The following JAKMIP2 variants were observed in gnomAD, a reference collection of about 807,000 sequenced individuals.
JAKMIP2 encodes janus kinase and microtubule-interacting protein 2.
JAKMIP2 carries 25 observed loss-of-function variants against 115.0 expected under a neutral mutation model. The ratio of observed to expected loss-of-function variants is 0.22; its 90% CI spans 0.16 to 0.30. The LOEUF is 0.30. JAKMIP2 is among the 10% of genes least tolerant of loss of function. The pLI is 1.00. For synonymous variants in JAKMIP2, 334 were observed against 343.6 expected (o/e 0.97, Z 0.31); for missense variants, 642 against 957.6 (o/e 0.67, Z 4.35).
At chr5:147,602,489 A>G (rs909530044) in intron 20 of JAKMIP2, among the ~76,000 whole-genome samples, 1 of 152,214 alleles carries the variant, frequency 6.6e-6, no homozygotes, top group Non-Finnish European at 1.5e-5. Flanking sequence ...GGCATTTCAC[A>G]TAATAAATGC....
chr5:147,616,883 C>T (rs1554125260), intron 19 of JAKMIP2, among the ~76,000 whole-genome samples: 1 of 152,208 alleles, frequency 6.6e-6, no homozygotes, highest in Non-Finnish European at 1.5e-5. Flanking sequence ...TCATGTCCCC[C>T]ATGAATTGTT....
At chr5:147,727,943 A>C (rs953522402) in intron 1 of JAKMIP2, among the ~76,000 whole-genome samples, 4 of 152,148 alleles carry the variant, frequency 2.6e-5, no homozygotes, top group Non-Finnish European at 5.9e-5. Flanking sequence ...TCCTTGGGAA[A>C]AACAGAAGAG....
At chr5:147,624,328 G>A (rs1756999070) in intron 16 of JAKMIP2, among the ~76,000 whole-genome samples, 1 of 152,156 alleles carries the variant, frequency 6.6e-6, no homozygotes, top group South Asian at 2.1e-4. Flanking sequence ...TCTTGTGAGT[G>A]ATAATTGCAC....
Position 147,763,011 on chromosome 5 carries a change from G to T in JAKMIP2, c.-149+19445C>A, listed in dbSNP as rs556958789. On this transcript the variant is annotated intron_variant, in intron 1 of 21. Coordinates refer to ENST00000616793, the MANE Select transcript of JAKMIP2 (RefSeq NM_001270941.2). The stretch of plus-strand genomic sequence containing the variant: ...AAGCATTCTAAGGAACAATATACAT[G>T]TGGTGTAGAATTCTCTAACCCGGAG... Among the ~76,000 whole-genome samples the T allele has an allele frequency of 2.6e-5, 4 of 152,178 alleles. No individual in the cohort carries two copies. The South Asian group carries it at 8.3e-4, about 32-fold the overall frequency.
intron 1 of JAKMIP2, among the ~76,000 whole-genome samples, chr5:147,682,435 AC>A (rs750214038): frequency 3.3e-5 from 5 of 152,226 alleles, no homozygotes; most frequent in South Asian, 4.1e-4. Flanking sequence ...GGTAGAATGA[AC>A]TAAGAAGGTG....
At chr5:147,598,230 A>C (rs900924848) in intron 21 of JAKMIP2, among the ~76,000 whole-genome samples, 2 of 151,920 alleles carry the variant, frequency 1.3e-5, no homozygotes, top group Non-Finnish European at 2.9e-5. Context: ...TGAACTCCTG[A>C]CCTTGTGATC....
chr5:147,617,997 A>G lies in JAKMIP2; in HGVS notation c.2260T>C (p.Leu754=). The change falls in exon 19 of 22, where the codon TTA becomes CTA. Residue 754 remains leucine (L), a synonymous_variant. Coordinates refer to ENST00000616793, the MANE Select transcript of JAKMIP2 (RefSeq NM_001270941.2). ...QEELRTAVEK[L]RRQMLRKSRE... ...CTCTTCCTCAGCATTTGCCGCCGTA[A>G]CTTTTCTACTGCCGTCCTCAGCTCC... The G allele has an allele frequency of 6.2e-7, 1 of 1,614,196 alleles. No homozygotes were observed. Among genetic ancestry groups the G allele is most frequent in the Non-Finnish European group, 8.5e-7 (1 of 1,180,032 alleles).
intron 7 of JAKMIP2, among the ~76,000 whole-genome samples, chr5:147,642,380 G>T (rs528068195): frequency 6.6e-6 from 1 of 152,086 alleles, no homozygotes; most frequent in Admixed American, 6.5e-5. Context: ...TATTGTTGCT[G>T]TGAATAGAGA....
chr5:147,661,352 C>T lies in JAKMIP2; in HGVS notation c.223G>A (p.Ala75Thr). 1 of 1,614,074 alleles carries T rather than the reference C, an allele frequency of 6.2e-7. No homozygotes were observed. The highest frequency in any genetic ancestry group is 1.1e-5 in the South Asian group (1 of 91,068). ...TTCATCTTCTCCTCATGGAGCTTGG[C>T]TTTGAGTTCTGTCACCAGCACCGTG... is the stretch of plus-strand genomic sequence containing the variant. ...KHTVLVTELK[A>T]KLHEEKMKEL... The change falls in exon 3 of 22, where the codon GCC (alanine) becomes ACC (threonine). Residue 75 changes from alanine to threonine, a missense_variant. Coordinates refer to ENST00000616793, the MANE Select transcript of JAKMIP2 (RefSeq NM_001270941.2).
rs1282230458 is a variant in JAKMIP2, at chr5:147,587,608, A to G, written c.*4099T>C. ...AATGAATATTCTTTTTACAGTTTCT[A>G]CAAAAACCTAGGCAGGTTAAAAAGA... On this transcript the variant is annotated 3_prime_UTR_variant, in exon 22 of 22. Coordinates refer to ENST00000616793, the MANE Select transcript of JAKMIP2 (RefSeq NM_001270941.2). 1 of 152,210 alleles carries G rather than the reference A, an allele frequency of 6.6e-6. No individual in the cohort carries two copies. The highest frequency in any genetic ancestry group is 2.4e-5 in the African/African-American group (1 of 41,466). 9.4% of individuals were successfully genotyped at this position (152,210 alleles called of 1,614,324 possible).
chr5:147,586,551 T>C lies in JAKMIP2; in HGVS notation c.*5156A>G, dbSNP rs1754876862. ...CTTTACCATTCTCACCCTACAGAAC[T>C]TTGCATATAACAAGGATGAAAATAT... On this transcript the variant is annotated 3_prime_UTR_variant, in exon 22 of 22. Coordinates refer to ENST00000616793, the MANE Select transcript of JAKMIP2 (RefSeq NM_001270941.2). 6.6e-6 allele frequency: 1 copy of C among 151,962 alleles called. No individual in the cohort carries two copies. The highest frequency in any genetic ancestry group is 1.5e-5 in the Non-Finnish European group (1 of 68,008). 9.4% of individuals were successfully genotyped at this position (151,962 alleles called of 1,614,324 possible).
chr5:147,685,091 G>A (rs529748118), intron 1 of JAKMIP2, among the ~76,000 whole-genome samples: 1 of 152,170 alleles, frequency 6.6e-6, no homozygotes, highest in African/African-American at 2.4e-5. Flanking sequence ...TATAACTTGA[G>A]TTAATAGGAG....
At chr5:147,695,539 T>C (rs1408070873) in intron 1 of JAKMIP2, among the ~76,000 whole-genome samples, 1 of 152,162 alleles carries the variant, frequency 6.6e-6, no homozygotes, top group Non-Finnish European at 1.5e-5. Flanking sequence ...GTAGCATCCC[T>C]AGCATGGGCA....
At chr5:147,649,682 A>G (rs1279891912) in intron 4 of JAKMIP2, among the ~76,000 whole-genome samples, 1 of 152,082 alleles carries the variant, frequency 6.6e-6, no homozygotes, top group African/African-American at 2.4e-5. Flanking sequence ...CAATTCATAA[A>G]TTATTCATTA....
chr5:147,631,345 A>G, intron 14 of JAKMIP2, 68 bp downstream of exon 14: 3 of 918,582 alleles, frequency 3.3e-6, no homozygotes, highest in Non-Finnish European at 5.1e-6. Context: ...AGTCGTAAGT[A>G]ACCTCCCCTT....
At chr5:147,763,426 A>AG (rs891229733) in intron 1 of JAKMIP2, among the ~76,000 whole-genome samples, 1 of 152,122 alleles carries the variant, frequency 6.6e-6, no homozygotes, top group Non-Finnish European at 1.5e-5. Flanking sequence ...ACACTGTTGA[A>AG]GGAGAGCCTT....
intron 1 of JAKMIP2, among the ~76,000 whole-genome samples, chr5:147,675,247 GA>G (rs35246628): frequency 6.7e-5 from 10 of 150,206 alleles, no homozygotes; most frequent in African/African-American, 1.2e-4. Flanking sequence ...AGGAAAAGGT[GA>G]AAAAAAAATA....
intron 7 of JAKMIP2, among the ~76,000 whole-genome samples, chr5:147,642,204 G>T (rs1186769324): frequency 6.6e-6 from 1 of 152,066 alleles, no homozygotes; most frequent in African/African-American, 2.4e-5. Context: ...GCTGTCTTTG[G>T]CCTATTTTTG....
intron 1 of JAKMIP2, among the ~76,000 whole-genome samples, chr5:147,707,112 G>A (rs995809204): frequency 2.0e-5 from 3 of 152,056 alleles, no homozygotes. Context: ...ACTGTGTTAA[G>A]TCTTCACCAA....
Sources: gnomAD v4.1 joint callset for allele counts (sites outside exome capture counted in the v4.1 genomes callset) on GRCh38, gnomAD v4.1.1 for gene constraint, MANE v1.5 for transcripts, NCBI Gene and HGNC (gene_info 2026-07-23, HGNC 2026-07-21) for gene names.